RNF111: variants seen among roughly 807,000 people sequenced by gnomAD.
RNF111 encodes E3 ubiquitin-protein ligase Arkadia.
RNF111 carries 17 observed loss-of-function variants against 95.1 expected under a neutral mutation model. The ratio of observed to expected loss-of-function variants is 0.18; its 90% confidence interval spans 0.12 to 0.27. The LOEUF (loss-of-function observed/expected upper bound fraction) is 0.27, where lower values mean the gene tolerates loss of function less well. RNF111 is among the 10% of genes least tolerant of loss of function. RNF111 has a pLI of 1.00. For synonymous variants in RNF111, 440 were observed against 414.8 expected (o/e 1.06, Z -0.74); for missense variants, 1,189 against 1,210.4 (o/e 0.98, Z 0.26).
intron 2 of RNF111, among the ~76,000 whole-genome samples, chr15:59,042,253 A>C (rs1230002000): frequency 5.3e-5 from 8 of 151,998 alleles, no homozygotes; most frequent in African/African-American, 1.9e-4. Context: ...CAGCCTCCTG[A>C]GTAGCTGGGA....
intron 1 of RNF111, among the ~76,000 whole-genome samples, chr15:59,018,959 T>C (rs2040200004): frequency 6.6e-6 from 1 of 152,154 alleles, no homozygotes; most frequent in African/African-American, 2.4e-5. Flanking sequence ...CGCCATGCTC[T>C]GTCGCCCAGG....
chr15:59,041,988 T>C (rs1156605504), intron 2 of RNF111, among the ~76,000 whole-genome samples: 1 of 151,520 alleles, frequency 6.6e-6, no homozygotes, highest in African/African-American at 2.4e-5. Flanking sequence ...TTGCCTGTTT[T>C]GATATCAGGA....
chr15:59,029,443 A>G (rs1276615380), intron 1 of RNF111, among the ~76,000 whole-genome samples: 1 of 152,258 alleles, frequency 6.6e-6, no homozygotes, highest in Non-Finnish European at 1.5e-5. Context: ...GATCTTGGAT[A>G]CAGCACTGCC....
At chr15:58,988,720 TAA>T (rs1454861892) in intron 1 of RNF111, among the ~76,000 whole-genome samples, 2 of 152,258 alleles carry the variant, frequency 1.3e-5, no homozygotes, top group African/African-American at 4.8e-5. Context: ...TTTCTCAACC[TAA>T]GTTTTGATTA....
At chr15:59,005,055 C>T (rs1012247010) in intron 1 of RNF111, among the ~76,000 whole-genome samples, 2 of 152,200 alleles carry the variant, frequency 1.3e-5, no homozygotes, top group Admixed American at 6.5e-5. Flanking sequence ...TTGTCAAGTT[C>T]ACTTTATGGG....
At chr15:59,036,413 G>T (rs1302074274) in intron 2 of RNF111, among the ~76,000 whole-genome samples, 2 of 152,184 alleles carry the variant, frequency 1.3e-5, no homozygotes, top group Non-Finnish European at 2.9e-5. Flanking sequence ...AGTTCCACAT[G>T]GCTGGTCAGG....
At chr15:59,038,374 T>A (rs926919950) in intron 2 of RNF111, among the ~76,000 whole-genome samples, 2 of 152,224 alleles carry the variant, frequency 1.3e-5, no homozygotes, top group African/African-American at 2.4e-5. Flanking sequence ...TTAAGCTTTT[T>A]TAAAAGTTTG....
At chr15:59,003,288 A>G (rs548717312) in intron 1 of RNF111, among the ~76,000 whole-genome samples, 1 of 151,494 alleles carries the variant, frequency 6.6e-6, no homozygotes, top group African/African-American at 2.4e-5. Flanking sequence ...AAGTTTTTGT[A>G]GAGACATGCT....
Position 59,086,047 on chromosome 15 carries a change from C to T in RNF111, c.2550+262C>T, listed in dbSNP as rs545404256. The stretch of plus-strand genomic sequence containing the variant: ...TACCAAGATACTCTTAATCCACTGT[C>T]AGGAGTATACTGTGCTTCAGTTATT... On this transcript the variant is annotated intron_variant, in intron 10 of 13. Transcript: ENST00000348370. Among the ~76,000 whole-genome samples, 43 of 151,424 alleles carry T rather than the reference C, an allele frequency of 2.8e-4. 1 individual carries two copies. The highest frequency in any genetic ancestry group is 1.0e-4 in the Non-Finnish European group (7 of 68,020).
intron 2 of RNF111, among the ~76,000 whole-genome samples, chr15:59,048,595 T>TACACTCAC (rs2041823621): frequency 6.6e-6 from 1 of 152,192 alleles, no homozygotes; most frequent in Non-Finnish European, 1.5e-5. Context: ...TGAATTTTTT[T>TACACTCAC]ACACTCATTA....
chr15:59,053,665 C>G (rs1338833525), intron 3 of RNF111, among the ~76,000 whole-genome samples: 1 of 152,132 alleles, frequency 6.6e-6, no homozygotes, highest in Non-Finnish European at 1.5e-5. Context: ...CACACCTATC[C>G]TCTGACCGTG....
chr15:59,046,562 T>G (rs1382506845), intron 2 of RNF111, among the ~76,000 whole-genome samples: 1 of 152,210 alleles, frequency 6.6e-6, no homozygotes, highest in Non-Finnish European at 1.5e-5. Flanking sequence ...ACCTGTTGTC[T>G]GACACAGAAA....
At chr15:58,995,754 G>T (rs4531678) in intron 1 of RNF111, among the ~76,000 whole-genome samples, 37,351 of 145,728 alleles carry the variant, frequency 0.26, 4,831 homozygotes, top group Admixed American at 0.34. Flanking sequence ...ATGAGATGCC[G>T]TGCCCCGGCC....
At chr15:59,040,236 C>T (rs1175086829) in intron 2 of RNF111, among the ~76,000 whole-genome samples, 1 of 152,102 alleles carries the variant, frequency 6.6e-6, no homozygotes, top group Admixed American at 6.6e-5. Flanking sequence ...CTGCCTCAGC[C>T]TTCTGAGTAC....
rs1306786517 is a variant in RNF111 at position 59,031,130 on chromosome 15, C to T, written c.308C>T (p.Ser103Leu). The change falls in exon 2 of 14, where the codon TCG becomes TTG. Residue 103 changes from serine to leucine, a missense_variant. This residue lies in a region of RNF111 where 1,024 missense variants were observed against 925.9 expected (regional missense o/e 1.11). Coordinates refer to ENST00000348370, the MANE Select transcript of RNF111 (RefSeq NM_017610.8). ...CGCAAAAGCCAGCAGGCTGGCCCTT[C>T]GTATGTGCAGAATTGTGTTAAAGAA... Reference protein sequence around the residue: ...KKRKSQQAGPSYVQNCVKENQ... With the variant: ...KKRKSQQAGPLYVQNCVKENQ... The T allele has an allele frequency of 3.1e-6, 5 of 1,614,152 alleles. No homozygotes were observed. The highest frequency in any genetic ancestry group is 2.2e-5 in the East Asian group (1 of 44,888).
At chr15:59,006,441 T>A (rs1442474844) in intron 1 of RNF111, among the ~76,000 whole-genome samples, 2 of 152,236 alleles carry the variant, frequency 1.3e-5, no homozygotes, top group South Asian at 4.1e-4. Flanking sequence ...TAGAATTTCA[T>A]GTAAGTAGTA....
intron 1 of RNF111, among the ~76,000 whole-genome samples, chr15:59,024,133 A>G (rs1374096345): frequency 6.6e-6 from 1 of 152,184 alleles, no homozygotes; most frequent in African/African-American, 2.4e-5. Flanking sequence ...AAATTGAGCA[A>G]TAGTAAATTT....
chr15:58,996,528 C>A (rs1367155014), intron 1 of RNF111, among the ~76,000 whole-genome samples: 2 of 151,658 alleles, frequency 1.3e-5, no homozygotes, highest in Admixed American at 6.6e-5. Flanking sequence ...TTGCAGTGAG[C>A]CGAGATCATG....
At chr15:59,022,825 C>G (rs1353838444) in intron 1 of RNF111, among the ~76,000 whole-genome samples, 27 of 152,196 alleles carry the variant, frequency 1.8e-4, no homozygotes, top group African/African-American at 6.5e-4. Context: ...TGCTCTCTAC[C>G]TAGAGGGTGT....
Sources: gnomAD v4.1 joint callset for allele counts (sites outside exome capture counted in the v4.1 genomes callset) on GRCh38, gnomAD v4.1.1 for gene constraint, gnomAD v4.1.1 regional missense constraint, MANE v1.5 for transcripts, NCBI Gene and HGNC (gene_info 2026-07-23, HGNC 2026-07-21) for gene names.